The following CAMTA1 variants were observed in gnomAD, a reference collection of about 807,000 sequenced individuals.
CAMTA1 encodes calmodulin binding transcription activator 1.
CAMTA1 carries 27 observed loss-of-function variants against 170.9 expected under a neutral mutation model. The ratio of observed to expected loss-of-function variants is 0.16; its 90% CI spans 0.12 to 0.22. The LOEUF is 0.22. Among genes scored for constraint, CAMTA1 ranks in the 10% least tolerant of loss-of-function variants. CAMTA1 has a pLI of 1.00. For synonymous variants in CAMTA1, 833 were observed against 891.5 expected, an observed-to-expected ratio of 0.93 and a Z score of 1.17; for missense variants, 1,619 against 2,217.2, an observed-to-expected ratio of 0.73 and a Z score of 5.42.
At chr1:7,158,795 C>T (rs1345300315) in intron 4 of CAMTA1, among the ~76,000 whole-genome samples, 2 of 152,176 alleles carry the variant, frequency 1.3e-5, no homozygotes, top group Non-Finnish European at 2.9e-5. Context: ...ACTGAGCAAT[C>T]TATCTTTGGA....
At chr1:7,579,533 C>CTATCT (rs2095237564) in intron 6 of CAMTA1, among the ~76,000 whole-genome samples, 1 of 129,740 alleles carries the variant, frequency 7.7e-6, no homozygotes, top group Non-Finnish European at 1.6e-5. Context: ...CTAAGGTCCA[C>CTATCT]TTTCTTTTCT....
At chr1:7,467,770 C>G in intron 5 of CAMTA1, 60 bp from the exon 6 acceptor site, 6,530 of 1,119,878 alleles carry the variant, frequency 5.8e-3, no homozygotes, top group Non-Finnish European at 8.1e-3. Context: ...GTTGCGCCGT[C>G]TTCCTTCCTT....
intron 3 of CAMTA1, among the ~76,000 whole-genome samples, chr1:6,844,381 A>G (rs962314501): frequency 6.6e-6 from 1 of 152,042 alleles, no homozygotes; most frequent in Non-Finnish European, 1.5e-5. Flanking sequence ...TAAAAAGTTC[A>G]CTGAAATGGG....
chr1:7,344,308 C>A (rs2084062056), intron 5 of CAMTA1, among the ~76,000 whole-genome samples: 1 of 152,180 alleles, frequency 6.6e-6, no homozygotes, highest in Admixed American at 6.5e-5. Flanking sequence ...TTTCCAGACA[C>A]CCAGTGGAAG....
chr1:7,067,569 G>T lies in CAMTA1; in HGVS notation c.235-23735G>T, dbSNP rs1423947900. Among the ~76,000 whole-genome samples, 1 of 152,164 alleles carries T rather than the reference G, an allele frequency of 6.6e-6. No homozygotes were observed. Among genetic ancestry groups the T allele is most frequent in the Non-Finnish European group, 1.5e-5 (1 of 68,032 alleles). ...CTGCATGCTGGGAACCATGTTCCTT[G>T]CAAGGCATACGGCAAAGAACAAGGT... On this transcript the variant is annotated intron_variant, in intron 3 of 22. Coordinates refer to ENST00000303635, the MANE Select transcript of CAMTA1 (RefSeq NM_015215.4). The surrounding 1 kb of genome is among the most constrained non-coding windows in gnomAD (Gnocchi z 4.3).
chr1:7,496,325 G>A (rs1022971188), intron 6 of CAMTA1, among the ~76,000 whole-genome samples: 2 of 152,214 alleles, frequency 1.3e-5, no homozygotes, highest in African/African-American at 4.8e-5. Flanking sequence ...GACTTTCCGG[G>A]TATGGGCGTG....
intron 6 of CAMTA1, among the ~76,000 whole-genome samples, chr1:7,638,367 G>A (rs983037839): frequency 1.1e-4 from 16 of 152,198 alleles, no homozygotes; most frequent in African/African-American, 1.4e-4. Flanking sequence ...CAGGCCAGGC[G>A]CAGTGGCTCA....
intron 3 of CAMTA1, among the ~76,000 whole-genome samples, chr1:7,088,718 TGGGCCACTAA>T (rs1304844167): frequency 6.6e-6 from 1 of 152,174 alleles, no homozygotes; most frequent in African/African-American, 2.4e-5. Flanking sequence ...TCCCATCCCC[TGGGCCACTAA>T]GGGTCACTTC....
At chr1:7,324,484 C>T (rs911197838) in intron 5 of CAMTA1, among the ~76,000 whole-genome samples, 1 of 152,064 alleles carries the variant, frequency 6.6e-6, no homozygotes, top group Non-Finnish European at 1.5e-5. Context: ...TTTATTTTTT[C>T]CATATAGCAC....
intron 6 of CAMTA1, among the ~76,000 whole-genome samples, chr1:7,607,248 G>A (rs1377523866): frequency 6.6e-6 from 1 of 151,140 alleles, no homozygotes; most frequent in African/African-American, 2.4e-5. Context: ...GGATGGATGG[G>A]TGAATGGGTG....
rs141953569 is a variant in CAMTA1 at position 6,900,808 on chromosome 1, A to G, written c.234+75598A>G. ...AAGATCTATATAAATGGAGGGCTAT[A>G]CCATGTATTGAAAGACTAAATAGTA... is the stretch of plus-strand genomic sequence containing the variant. On this transcript the variant is annotated intron_variant, in intron 3 of 22. Transcript: ENST00000303635. Among the ~76,000 whole-genome samples, 429 of 152,352 alleles carry G rather than the reference A, an allele frequency of 2.8e-3. 1 individual carries two copies. Among genetic ancestry groups the G allele is most frequent in the African/African-American group, 9.6e-3 (401 of 41,576 alleles).
intron 4 of CAMTA1, among the ~76,000 whole-genome samples, chr1:7,220,121 T>A (rs891495878): frequency 1.3e-5 from 2 of 152,202 alleles, no homozygotes; most frequent in African/African-American, 4.8e-5. Flanking sequence ...ACCATATTTT[T>A]ACAGCATTCT....
chr1:7,729,744 G>A (rs1481387259), intron 11 of CAMTA1, among the ~76,000 whole-genome samples: 3 of 152,230 alleles, frequency 2.0e-5, no homozygotes, highest in South Asian at 2.1e-4. Context: ...CCTACCTCAC[G>A]TGATGGTTGT....
At chr1:6,980,614 G>A (rs1410124645) in intron 3 of CAMTA1, among the ~76,000 whole-genome samples, 1 of 152,148 alleles carries the variant, frequency 6.6e-6, no homozygotes, top group East Asian at 1.9e-4. Context: ...CTTGGTAGGA[G>A]GTAATCAAGT....
chr1:7,504,769 C>T (rs1280915978), intron 6 of CAMTA1, among the ~76,000 whole-genome samples: 5 of 152,256 alleles, frequency 3.3e-5, no homozygotes, highest in Non-Finnish European at 7.3e-5. Flanking sequence ...GGCTCTGGAC[C>T]GTTAGGGCAG....
At chr1:7,189,652 C>T (rs544071407) in intron 4 of CAMTA1, among the ~76,000 whole-genome samples, 12 of 152,320 alleles carry the variant, frequency 7.9e-5, no homozygotes, top group Admixed American at 7.2e-4. Flanking sequence ...GGCGTGGATG[C>T]AGTGAAAACG....
At chr1:7,020,909 C>T (rs1218605671) in intron 3 of CAMTA1, among the ~76,000 whole-genome samples, 1 of 152,220 alleles carries the variant, frequency 6.6e-6, no homozygotes, top group African/African-American at 2.4e-5. Context: ...CACTGGGCCA[C>T]CAGGCAGCCC....
intron 3 of CAMTA1, among the ~76,000 whole-genome samples, chr1:6,875,642 A>C (rs1367410511): frequency 6.6e-6 from 1 of 152,096 alleles, no homozygotes; most frequent in Non-Finnish European, 1.5e-5. Context: ...TGGCTTCAAC[A>C]ACCGCCCCTC....
At chr1:7,075,861 T>A (rs1254848599) in intron 3 of CAMTA1, among the ~76,000 whole-genome samples, 2 of 151,444 alleles carry the variant, frequency 1.3e-5, no homozygotes, top group Non-Finnish European at 2.9e-5. Flanking sequence ...CGGGGTTTCG[T>A]CATGTTGGCC....
Sources: gnomAD v4.1 joint callset for allele counts (sites outside exome capture counted in the v4.1 genomes callset) on GRCh38, gnomAD v4.1.1 for gene constraint, Gnocchi (gnomAD v3.1) non-coding constraint, MANE v1.5 for transcripts, NCBI Gene and HGNC (gene_info 2026-07-23, HGNC 2026-07-21) for gene names.